Variants in PALD1 observed in about 807,000 individuals in gnomAD.
The protein encoded by PALD1 is paladin.
Under a neutral mutation model 96.0 loss-of-function variants are expected in PALD1, and 57 were observed. The ratio of observed to expected loss-of-function variants is 0.59; its 90% CI spans 0.48 to 0.74. The LOEUF is 0.74. Ranked by LOEUF, PALD1 falls within the 30% of genes least tolerant of loss-of-function variation. The pLI, the probability that PALD1 is intolerant of heterozygous loss-of-function variation, is 0.00. For synonymous variants in PALD1, 464 were observed against 473.6 expected (o/e 0.98, Z 0.26); for missense variants, 1,063 against 1,143.7 (o/e 0.93, Z 1.02).
upstream of PALD1, among the ~76,000 whole-genome samples, chr10:70,474,730 G>C (rs1347582182): frequency 2.0e-5 from 3 of 152,186 alleles, no homozygotes; most frequent in African/African-American, 7.2e-5. Context: ...GTCGGGGGAC[G>C]TAATCCTTAG....
At position 70,534,061 on chromosome 10, in the gene PALD1, C is replaced by T; in HGVS notation, c.1010C>T (p.Thr337Ile). 1.9e-6 allele frequency: 3 copies of T among 1,602,630 alleles called. No homozygotes were observed. Among genetic ancestry groups the T allele is most frequent in the Non-Finnish European group, 2.6e-6 (3 of 1,173,232 alleles). The change falls in exon 8 of 20, where the codon ACC becomes ATC. Residue 337 changes from threonine (T) to isoleucine (I), a missense_variant. By Grantham distance (89) the Thr-to-Ile change is moderately conservative. Transcript: ENST00000263563. ...ATCCTGCTTCACCGCAGTGGGACCACCTCCCAGCCAGAGTGAGTGGCCCGG... is the reference window on the plus strand; with the variant it reads ...ATCCTGCTTCACCGCAGTGGGACCATCTCCCAGCCAGAGTGAGTGGCCCGG... Reference protein sequence around the residue: ...TLILLHRSGTTSQPEAAPTQA... With the variant: ...TLILLHRSGTISQPEAAPTQA...
intron 1 of PALD1, among the ~76,000 whole-genome samples, chr10:70,482,731 G>T (rs2132255081): frequency 6.6e-6 from 1 of 152,234 alleles, no homozygotes; most frequent in Admixed American, 6.5e-5. Context: ...GTGGCCCAGG[G>T]CAAGAAACTT....
chr10:70,476,854 C>G (rs1208531311), upstream of PALD1, among the ~76,000 whole-genome samples: 2 of 151,698 alleles, frequency 1.3e-5, no homozygotes, highest in Admixed American at 1.3e-4. Context: ...ATCCCAGCAT[C>G]TGCTGGGCAG....
At chr10:70,458,496 A>T in the PALD1 span, among the ~76,000 whole-genome samples, 3 of 152,136 alleles carry the variant, frequency 2.0e-5, no homozygotes, top group African/African-American at 7.2e-5. Context: ...AAGCGCGCGG[A>T]GGGCGACCCG....
At chr10:70,512,139 G>T (rs1846527840) in intron 1 of PALD1, among the ~76,000 whole-genome samples, 1 of 152,182 alleles carries the variant, frequency 6.6e-6, no homozygotes, top group Non-Finnish European at 1.5e-5. Flanking sequence ...ATTCCAACAT[G>T]AGTTTTGGAG....
At chr10:70,492,805 A>G (rs1298426211) in intron 1 of PALD1, among the ~76,000 whole-genome samples, 1 of 152,182 alleles carries the variant, frequency 6.6e-6, no homozygotes, top group Non-Finnish European at 1.5e-5. Flanking sequence ...ATGTAACCCC[A>G]TGATTACATC....
At chr10:70,547,260 G>A in intron 17 of PALD1, 46 bp from the exon 18 acceptor site, 1 of 1,594,228 alleles carries the variant, frequency 6.3e-7, no homozygotes, top group Non-Finnish European at 8.6e-7. Flanking sequence ...TGGGCTGAGG[G>A]CTCTTACCAG....
chr10:70,562,222 C>T (rs182382593), intron 18 of PALD1, among the ~76,000 whole-genome samples: 135 of 152,326 alleles, frequency 8.9e-4, no homozygotes, highest in African/African-American at 2.8e-3. Context: ...CTGGTCCCCT[C>T]GCCCCTCTTG....
At chr10:70,469,566 G>T in the PALD1 span, among the ~76,000 whole-genome samples, 117 of 152,190 alleles carry the variant, frequency 7.7e-4, no homozygotes, top group Non-Finnish European at 1.4e-3. Flanking sequence ...GGGTTCCCCT[G>T]GGCCACCCCT....
At chr10:70,463,368 C>G in the PALD1 span, among the ~76,000 whole-genome samples, 2 of 152,016 alleles carry the variant, frequency 1.3e-5, no homozygotes, top group Middle Eastern at 3.2e-3. Context: ...CCACTGCACT[C>G]CAGCCTGGGT....
intron 1 of PALD1, among the ~76,000 whole-genome samples, chr10:70,488,055 T>C (rs1191490581): frequency 6.6e-6 from 1 of 152,276 alleles, no homozygotes; most frequent in East Asian, 1.9e-4. Flanking sequence ...TTTAATCAGT[T>C]CCATTCCTTT....
In PALD1 at chr10:70,566,667, G is replaced by T; in HGVS notation, c.2505G>T (p.Arg835Ser). Reference sequence around the variant, plus strand: ...GCGGGGAGGACCAGCCCTTCTCCAGGCTGCGCTACCGGTGGCAGGAGCAGA... The same window carrying T: ...GCGGGGAGGACCAGCCCTTCTCCAGTCTGCGCTACCGGTGGCAGGAGCAGA... ...LESGEDQPFS[R>S]LRYRWQEQSC... The change falls in exon 20 of 20, where the codon AGG becomes AGT. Residue 835 changes from arginine to serine, a missense_variant. Transcript: ENST00000263563. 6.2e-7 allele frequency: 1 copy of T among 1,609,686 alleles called. No homozygotes were observed. The highest frequency in any genetic ancestry group is 8.5e-7 in the Non-Finnish European group (1 of 1,178,902).
In PALD1 at chr10:70,539,344, G is replaced by A. The variant is rs975935122; in HGVS notation, c.1725+97G>A. 3.1e-6 allele frequency: 4 copies of A among 1,305,800 alleles called. No homozygotes were observed. Among genetic ancestry groups the A allele is most frequent in the Non-Finnish European group, 4.1e-6 (4 of 965,092 alleles). The allele number at this position is 1,305,800 out of a possible 1,614,324, so 80.9% of individuals were successfully genotyped here. A position where few individuals can be genotyped will look rare whatever the true frequency, so the allele number is the denominator to read the frequency against. On this transcript the variant is annotated intron_variant, in intron 14 of 19. Transcript: ENST00000263563. The surrounding 1 kb of genome is among the most constrained non-coding windows in gnomAD (Gnocchi z 4.5). ...AGGCCTCACACTCCCGCAGACAGAT[G>A]GAGAATCTGAGGCCCCGGGAGGAGC... is the stretch of plus-strand genomic sequence containing the variant.
intron 1 of PALD1, among the ~76,000 whole-genome samples, chr10:70,491,050 A>G (rs1019804946): frequency 6.6e-6 from 1 of 151,884 alleles, no homozygotes; most frequent in African/African-American, 2.4e-5. Context: ...GGTTCACACC[A>G]TTCTTCTGCC....
chr10:70,497,980 C>T (rs1318044387), intron 1 of PALD1, among the ~76,000 whole-genome samples: 1 of 152,080 alleles, frequency 6.6e-6, no homozygotes, highest in Non-Finnish European at 1.5e-5. Context: ...AATTTAATGT[C>T]ATTAAGAGCA....
Position 70,564,561 on chromosome 10 carries a change from C to T in PALD1, c.2418+42C>T, listed in dbSNP as rs561838979. On this transcript the variant is annotated intron_variant, in intron 19 of 19. Transcript: ENST00000263563. ...GCCGAGAGGGGCCGGGGCGATGGCTCCTGCAGATGGAGCTGGGTCACAGCC... is the reference window on the plus strand; with the variant it reads ...GCCGAGAGGGGCCGGGGCGATGGCTTCTGCAGATGGAGCTGGGTCACAGCC... 60 of 1,593,524 alleles carry T rather than the reference C, an allele frequency of 3.8e-5. No individual in the cohort carries two copies. In the South Asian group the frequency reaches 6.2e-4, roughly 17 times the overall value.
At chr10:70,476,759 A>G (rs1252065853), upstream of PALD1, among the ~76,000 whole-genome samples, 1 of 152,114 alleles carries the variant, frequency 6.6e-6, no homozygotes, top group Admixed American at 6.5e-5. Context: ...CGTGCCAGGC[A>G]CTGTGCTGTG....
At chr10:70,559,347 A>G (rs10733874) in intron 18 of PALD1, among the ~76,000 whole-genome samples, 106,821 of 151,686 alleles carry the variant, frequency 0.7, 37,647 homozygotes, top group South Asian at 0.84. Context: ...AGGGCAGGAG[A>G]GGAGGGTAGA....
chr10:70,496,677 G>C (rs892893433), intron 1 of PALD1, among the ~76,000 whole-genome samples: 3 of 152,186 alleles, frequency 2.0e-5, no homozygotes. Context: ...ACTTTGCCAT[G>C]TTTCCTTTTT....
Sources: gnomAD v4.1 joint callset for allele counts (sites outside exome capture counted in the v4.1 genomes callset) on GRCh38, gnomAD v4.1.1 for gene constraint, Gnocchi (gnomAD v3.1) non-coding constraint, MANE v1.5 for transcripts, NCBI Gene and HGNC (gene_info 2026-07-23, HGNC 2026-07-21) for gene names.